Variants in MYT1L observed in about 807,000 individuals in gnomAD.
MYT1L encodes myelin transcription factor 1 like.
A neutral mutation model predicts 126.7 loss-of-function variants in MYT1L; 12 were observed. The observed-to-expected ratio is 0.09, with a 90% confidence interval of 0.06 to 0.15. MYT1L has a LOEUF of 0.15. Ranked by LOEUF, MYT1L falls within the 10% of genes least tolerant of loss-of-function variation. The pLI is 1.00. For missense variants in MYT1L, 979 were observed against 1,585.2 expected (o/e 0.62, Z 6.49); for synonymous variants, 541 against 604.2 (o/e 0.90, Z 1.53).
chr2:2,049,183 C>T (rs1256547726), intron 4 of MYT1L, among the ~76,000 whole-genome samples: 1 of 152,136 alleles, frequency 6.6e-6, no homozygotes, highest in Non-Finnish European at 1.5e-5. Context: ...TCTGGGGAAA[C>T]ATGTATGAGG....
intron 3 of MYT1L, among the ~76,000 whole-genome samples, chr2:2,099,710 C>T (rs1274202906): frequency 1.3e-5 from 2 of 152,144 alleles, no homozygotes; most frequent in Non-Finnish European, 2.9e-5. Flanking sequence ...TATCCATAAC[C>T]AACTCCAAGA....
intron 3 of MYT1L, among the ~76,000 whole-genome samples, chr2:2,157,910 C>G (rs2086992972): frequency 6.6e-6 from 1 of 152,100 alleles, no homozygotes; most frequent in East Asian, 1.9e-4. Context: ...GACAACGGAT[C>G]CACAGAGCCA....
chr2:2,194,233 CT>C (rs1308329493), intron 2 of MYT1L, among the ~76,000 whole-genome samples: 2 of 151,964 alleles, frequency 1.3e-5, no homozygotes, highest in Admixed American at 6.6e-5. Flanking sequence ...GCACAAGCCC[CT>C]TTTTCTGACC....
At chr2:1,970,322 A>T (rs567311099) in intron 8 of MYT1L, among the ~76,000 whole-genome samples, 167 of 152,334 alleles carry the variant, frequency 1.1e-3, no homozygotes, top group African/African-American at 3.8e-3. Flanking sequence ...TGGCTACTCC[A>T]GAAGTATTTG....
In MYT1L at chr2:1,898,835, G is replaced by A. The variant is rs924394902; in HGVS notation, c.2032+4245C>T. On this transcript the variant is annotated intron_variant, in intron 14 of 24. Coordinates refer to ENST00000647738, the MANE Select transcript of MYT1L (RefSeq NM_001303052.2). ...GAGGGAAGAAGGGAGCTCTGCAGGC[G>A]GGCGTGGTGGGGCTGGAGACAGAGG... 3.9e-5 allele frequency among the ~76,000 whole-genome samples: 6 copies of A among 152,196 alleles called. No homozygotes were observed. In the East Asian group the frequency reaches 5.8e-4, roughly 15 times the overall value.
At chr2:2,027,445 G>A (rs1011041260) in intron 4 of MYT1L, among the ~76,000 whole-genome samples, 6 of 152,156 alleles carry the variant, frequency 3.9e-5, no homozygotes, top group Non-Finnish European at 8.8e-5. Flanking sequence ...AGACGCTGCC[G>A]GATGACCCCC....
intron 21 of MYT1L, among the ~76,000 whole-genome samples, chr2:1,823,695 C>G (rs1379266215): frequency 6.6e-6 from 1 of 151,040 alleles, no homozygotes; most frequent in Non-Finnish European, 1.5e-5. Flanking sequence ...CGTGGCTGGC[C>G]GCATGTTCAG....
At chr2:1,864,784 C>T (rs138976477) in intron 18 of MYT1L, among the ~76,000 whole-genome samples, 2 of 152,276 alleles carry the variant, frequency 1.3e-5, no homozygotes, top group Non-Finnish European at 2.9e-5. Flanking sequence ...TCCTCAGCAG[C>T]CACTTCGGGG....
At chr2:2,282,054 G>T (rs1185388311) in intron 2 of MYT1L, among the ~76,000 whole-genome samples, 1 of 152,152 alleles carries the variant, frequency 6.6e-6, no homozygotes, top group African/African-American at 2.4e-5. Context: ...AACAATAATG[G>T]TCGCTATATT....
In MYT1L at chr2:1,859,300, C is replaced by T. The variant is rs183735470; in HGVS notation, c.2712-7597G>A. 7.9e-5 allele frequency among the ~76,000 whole-genome samples: 12 copies of T among 152,282 alleles called. No individual in the cohort carries two copies. In the East Asian group the frequency reaches 2.1e-3, roughly 27 times the overall value. ...CTGTAAACAAAAAACACCTTTCTTT[C>T]TTTTGGTTCCCAGCACTTTTCTTTT... On this transcript the variant is annotated intron_variant, in intron 18 of 24. Transcript: ENST00000647738.
chr2:2,194,310 G>A (rs1183208603), intron 2 of MYT1L, among the ~76,000 whole-genome samples: 2 of 152,074 alleles, frequency 1.3e-5, no homozygotes. Context: ...GAGCTCCTGG[G>A]CTCAAGCAAC....
chr2:2,038,535 C>A (rs147538907), intron 4 of MYT1L, among the ~76,000 whole-genome samples: 3 of 152,154 alleles, frequency 2.0e-5, no homozygotes, highest in Non-Finnish European at 4.4e-5. Flanking sequence ...CTTGTCTGGA[C>A]GCCATGTTTA....
chr2:2,069,197 T>C (rs938526734), intron 3 of MYT1L, among the ~76,000 whole-genome samples: 6 of 152,140 alleles, frequency 3.9e-5, no homozygotes, highest in Admixed American at 3.3e-4. Flanking sequence ...ACATTAGGTA[T>C]TTCTCCTAAT....
At chr2:2,015,294 C>A (rs774451786) in intron 4 of MYT1L, among the ~76,000 whole-genome samples, 2 of 152,136 alleles carry the variant, frequency 1.3e-5, no homozygotes, top group Non-Finnish European at 2.9e-5. Context: ...ACAGTGCAGG[C>A]GCAGCATGCA....
At chr2:2,264,857 A>G (rs573649812) in intron 2 of MYT1L, among the ~76,000 whole-genome samples, 28 of 152,172 alleles carry the variant, frequency 1.8e-4, no homozygotes, top group Non-Finnish European at 3.7e-4. Flanking sequence ...TTTTTTTAAA[A>G]GCACTTCTCA....
chr2:1,899,855 G>C (rs1371737011), intron 14 of MYT1L, among the ~76,000 whole-genome samples: 1 of 152,200 alleles, frequency 6.6e-6, no homozygotes, highest in Non-Finnish European at 1.5e-5. Flanking sequence ...CACACAGACA[G>C]ACACATAGAC....
chr2:2,217,548 T>G (rs1394283784), intron 2 of MYT1L, among the ~76,000 whole-genome samples: 1 of 151,726 alleles, frequency 6.6e-6, no homozygotes, highest in Non-Finnish European at 1.5e-5. Flanking sequence ...CCAGGCATGC[T>G]GGCAGCCACC....
At chr2:2,014,217 C>A (rs2064134223) in intron 4 of MYT1L, among the ~76,000 whole-genome samples, 1 of 143,880 alleles carries the variant, frequency 7.0e-6, no homozygotes, top group Non-Finnish European at 1.5e-5. Context: ...TTTTCCTGAG[C>A]AGTCAGAGAG....
At chr2:2,155,510 C>G (rs909054858) in intron 3 of MYT1L, among the ~76,000 whole-genome samples, 6 of 152,178 alleles carry the variant, frequency 3.9e-5, no homozygotes, top group African/African-American at 1.4e-4. Flanking sequence ...CTATTCTCAG[C>G]ACAATCCTTC....
Sources: allele counts gnomAD v4.1 joint callset (sites outside exome capture counted in the v4.1 genomes callset), GRCh38; gene constraint gnomAD v4.1.1; transcripts MANE v1.5; gene names NCBI Gene and HGNC (gene_info 2026-07-23, HGNC 2026-07-21).